USP11: variants seen among roughly 807,000 people sequenced by gnomAD.
The protein encoded by USP11 is ubiquitin specific peptidase 11.
A neutral mutation model predicts 72.8 loss-of-function variants in USP11; 5 were observed. The observed-to-expected ratio is 0.07, with a 90% CI of 0.04 to 0.14. The LOEUF (loss-of-function observed/expected upper bound fraction) is 0.14. Among genes scored for constraint, USP11 ranks in the 10% least tolerant of loss-of-function variants. USP11 has a pLI of 1.00. For synonymous variants in USP11, 368 were observed against 326.5 expected (o/e 1.13, Z -1.37); for missense variants, 480 against 794.7 (o/e 0.60, Z 4.76).
chrX:47,245,239 C>A, intron 16 of USP11, 131 bp from the exon 17 acceptor site: 1 of 909,712 alleles, frequency 1.1e-6, no homozygotes, highest in Non-Finnish European at 1.5e-6. Context: ...AGCTCCAGGG[C>A]CTGAGGTTCC....
At position 47,240,330 on chromosome X, in the gene USP11, G is replaced by A; in HGVS notation, c.561G>A (p.Glu187=). 8.3e-7 allele frequency: 1 copy of A among 1,211,500 alleles called. No individual in the cohort carries two copies. Among genetic ancestry groups the A allele is most frequent in the Non-Finnish European group, 1.1e-6 (1 of 895,338 alleles). ...SIGLVLRTAR[E]RFLVEPQEDT... Reference sequence around the variant, plus strand: ...GCCTAGTATTGCGCACAGCTCGGGAGCGGTTTCTGGTGGAGCCCCAGGAAG... The same window carrying A: ...GCCTAGTATTGCGCACAGCTCGGGAACGGTTTCTGGTGGAGCCCCAGGAAG... The change falls in exon 5 of 21, where the codon GAG becomes GAA. Residue 187 remains glutamate, a synonymous_variant. Transcript: ENST00000377107.
Position 47,239,141 on chromosome X carries a change from C to T in USP11, c.248C>T (p.Thr83Ile). 8.3e-7 allele frequency: 1 copy of T among 1,209,632 alleles called. No individual in the cohort carries two copies. Among genetic ancestry groups the T allele is most frequent in the Non-Finnish European group, 1.1e-6 (1 of 894,673 alleles). Residue 83 changes from threonine to isoleucine, a missense_variant, in exon 2 of 21, where the codon ACC becomes ATC. By Grantham distance (89) the Thr-to-Ile change is moderately conservative. This residue lies in a region of USP11 where 71 missense variants were observed against 71.4 expected (regional missense o/e 0.99). Coordinates refer to ENST00000377107, the MANE Select transcript of USP11 (RefSeq NM_001371072.1). ...CAGGGAGGGGACCAGGACTCCAGCA[C>T]CTTCCCTGGCTGCATCAACAATGCC... is the stretch of plus-strand genomic sequence containing the variant. ...YVQGGDQDSS[T>I]FPGCINNATL...
At chrX:47,246,272 A>G (rs187470679) in intron 17 of USP11, among the ~76,000 whole-genome samples, 1 of 112,510 alleles carries the variant, frequency 8.9e-6, no homozygotes, top group African/African-American at 3.2e-5. Context: ...CCTGTTTATA[A>G]TAGTGTTGAG....
chrX:47,241,052 C>T (rs1404325864), intron 7 of USP11, 176 bp downstream of exon 7: 1 of 564,054 alleles, frequency 1.8e-6, no homozygotes, highest in South Asian at 3.1e-5. Context: ...TCAGCCTCTT[C>T]TCTCAGCTTG....
intron 4 of USP11, 141 bp from the exon 5 acceptor site, chrX:47,240,164 G>A (rs2055394640): frequency 1.1e-6 from 1 of 871,649 alleles, no homozygotes; most frequent in East Asian, 3.4e-5. Context: ...CTGGAGTGTG[G>A]GCCAGTCATT....
chrX:47,245,138 C>T (rs2055425456), intron 16 of USP11, 52 bp downstream of exon 16: 1 of 1,163,585 alleles, frequency 8.6e-7, no homozygotes, highest in Middle Eastern at 2.5e-4. Flanking sequence ...CCCCTCAACT[C>T]TTCGTACATC....
chrX:47,248,027 C>T lies in USP11; in HGVS notation c.*97C>T. 4 of 1,073,914 alleles carry T rather than the reference C, an allele frequency of 3.7e-6. No homozygotes were observed. The highest frequency in any genetic ancestry group is 3.3e-4 in the Middle Eastern group (1 of 3,019). The allele number at this position is 1,073,914 out of a possible 1,213,427, so 88.5% of individuals were successfully genotyped here. ...CGCTTCTCTTATTCGTGTTAGGTGC[C>T]CCCGCCAGGCATTGCAGGCTTAGTC... On this transcript the variant is annotated 3_prime_UTR_variant, in exon 21 of 21. Coordinates refer to ENST00000377107, the MANE Select transcript of USP11 (RefSeq NM_001371072.1).
intron 1 of USP11, among the ~76,000 whole-genome samples, chrX:47,237,591 C>T (rs767766014): frequency 9.1e-6 from 1 of 110,324 alleles, no homozygotes; most frequent in Non-Finnish European, 1.9e-5. Context: ...CCAGCCTGGG[C>T]GACAGAGCAA....
chrX:47,244,575 C>T lies in USP11; in HGVS notation c.1843+25C>T, dbSNP rs775817596. ...GGTGAGGGGGCTAACAGTCAGTGGGCGGGGGCTCTGGGTTAGGTCTGACCC... is the reference window on the plus strand; with the variant it reads ...GGTGAGGGGGCTAACAGTCAGTGGGTGGGGGCTCTGGGTTAGGTCTGACCC... On this transcript the variant is annotated intron_variant, in intron 14 of 20. Coordinates refer to ENST00000377107, the MANE Select transcript of USP11 (RefSeq NM_001371072.1). 7 of 1,207,327 alleles carry T rather than the reference C, an allele frequency of 5.8e-6. No individual in the cohort carries two copies. The Admixed American group carries it at 8.8e-5, about 15-fold the overall frequency.
At chrX:47,243,829 A>G (rs2055416939) in intron 13 of USP11, among the ~76,000 whole-genome samples, 1 of 111,381 alleles carries the variant, frequency 9.0e-6, no homozygotes, top group Non-Finnish European at 1.9e-5. Flanking sequence ...AAAACAGACA[A>G]CTTCATCTTG....
intron 17 of USP11, among the ~76,000 whole-genome samples, 200 bp downstream of exon 17, chrX:47,245,682 T>A (rs899491205): frequency 8.2e-5 from 9 of 109,760 alleles, no homozygotes; most frequent in African/African-American, 3.3e-5. Context: ...GTAGCTGGGA[T>A]TATAGGCACC....
Position 47,247,243 on chromosome X carries a change from G to A in USP11, c.2420+22G>A, listed in dbSNP as rs751850437. 8 of 1,209,093 alleles carry A rather than the reference G, an allele frequency of 6.6e-6. No individual in the cohort carries two copies. The East Asian group carries it at 1.5e-4, about 22-fold the overall frequency. ...TCCGGTCAGGGGCCAGGGAGAGGATGGCTGGGGGAAGGCAGGGAAAGGAGG... is the reference window on the plus strand; with the variant it reads ...TCCGGTCAGGGGCCAGGGAGAGGATAGCTGGGGGAAGGCAGGGAAAGGAGG... On this transcript the variant is annotated intron_variant, in intron 18 of 20. Transcript: ENST00000377107.
rs879074743 is a variant in USP11, at chrX:47,248,115, C to T, written c.*185C>T. ...CCCGGGAAAGAACAGGTCGTGTCTCCTCCTAGCAGTGCGCGCCCCGCCTGT... is the reference window on the plus strand; with the variant it reads ...CCCGGGAAAGAACAGGTCGTGTCTCTTCCTAGCAGTGCGCGCCCCGCCTGT... On this transcript the variant is annotated 3_prime_UTR_variant, in exon 21 of 21. Transcript: ENST00000377107. 6.4e-5 allele frequency: 42 copies of T among 654,323 alleles called. No homozygotes were observed. The South Asian group carries it at 1.2e-3, about 18-fold the overall frequency. The allele number at this position is 654,323 out of a possible 1,213,427, so 53.9% of individuals were successfully genotyped here. A position where few individuals can be genotyped will look rare whatever the true frequency, so the allele number is the denominator to read the frequency against.
At chrX:47,234,451 GTAC>G (rs1467814948) in intron 1 of USP11, among the ~76,000 whole-genome samples, 2 of 112,054 alleles carry the variant, frequency 1.8e-5, no homozygotes, top group African/African-American at 3.2e-5. Context: ...GTAGATACTA[GTAC>G]TACTAATAAT....
rs371882961 is a variant in USP11 at position 47,240,910 on chromosome X, C to T, written c.846+34C>T. On this transcript the variant is annotated intron_variant, in intron 7 of 20. Transcript: ENST00000377107. ...ATTATAGTTGTGTCTGGCACAGCCA[C>T]GTGGTTGGGCTTCAAGAGCTGAGGA... 8.3e-5 allele frequency: 97 copies of T among 1,161,877 alleles called. 1 individual carries two copies. In the East Asian group the frequency reaches 9.6e-4, roughly 11 times the overall value.
intron 1 of USP11, among the ~76,000 whole-genome samples, chrX:47,236,857 G>A (rs1315252341): frequency 8.9e-6 from 1 of 112,038 alleles, no homozygotes; most frequent in African/African-American, 3.2e-5. Flanking sequence ...AATAATTTGG[G>A]TGTTATTGAT....
At position 47,240,265 on chromosome X, in the gene USP11, T is replaced by C. The variant is rs17147475; in HGVS notation, c.536-40T>C. The C allele has an allele frequency of 2.3e-3, 2,716 of 1,197,002 alleles. 38 individuals carry two copies. The African/African-American group carries it at 0.042, about 18-fold the overall frequency. Reference sequence around the variant, plus strand: ...GCCCAGATGGATTGATCATTTTGGGTCTCACAAAGATCTTGAATGTACTCC... The same window carrying C: ...GCCCAGATGGATTGATCATTTTGGGCCTCACAAAGATCTTGAATGTACTCC... On this transcript the variant is annotated intron_variant, in intron 4 of 20. Coordinates refer to ENST00000377107, the MANE Select transcript of USP11 (RefSeq NM_001371072.1).
intron 13 of USP11, 52 bp downstream of exon 13, chrX:47,243,654 T>C: frequency 8.8e-7 from 1 of 1,131,929 alleles, no homozygotes. Flanking sequence ...GAACTCCGAC[T>C]TGGGTGTTTA....
At chrX:47,239,750 G>A (rs1433087039) in intron 3 of USP11, 40 bp from the exon 4 acceptor site, 5 of 1,168,074 alleles carry the variant, frequency 4.3e-6, no homozygotes, top group African/African-American at 1.8e-5. Context: ...CGCTGTGTCT[G>A]TGTGAGTACA....
Sources: allele counts gnomAD v4.1 joint callset (sites outside exome capture counted in the v4.1 genomes callset), GRCh38; gene constraint gnomAD v4.1.1; regional missense constraint gnomAD v4.1.1; transcripts MANE v1.5; gene names NCBI Gene and HGNC (gene_info 2026-07-23, HGNC 2026-07-21).